Variants in SHROOM4 observed in about 807,000 individuals in gnomAD.
SHROOM4 encodes the protein protein Shroom4.
SHROOM4 carries 17 observed loss-of-function variants against 80.3 expected under a neutral mutation model. That is an observed-to-expected ratio of 0.21 (90% confidence interval 0.14 to 0.32). SHROOM4 has a LOEUF of 0.32. Ranked by LOEUF, SHROOM4 falls within the 10% of genes least tolerant of loss-of-function variation. The pLI, the probability that SHROOM4 is intolerant of heterozygous loss-of-function variation, is 1.00. For missense variants in SHROOM4, 993 were observed against 1,140.3 expected, an observed-to-expected ratio of 0.87 and a Z score of 1.86; for synonymous variants, 400 against 437.5, an observed-to-expected ratio of 0.91 and a Z score of 1.07.
intron 2 of SHROOM4, among the ~76,000 whole-genome samples, chrX:50,672,857 A>C (rs1424481830): frequency 8.9e-6 from 1 of 112,160 alleles, no homozygotes; most frequent in Non-Finnish European, 1.9e-5. Flanking sequence ...ATCAGAAATC[A>C]ATGGAGCCAG....
intron 1 of SHROOM4, among the ~76,000 whole-genome samples, chrX:50,805,340 T>G (rs1376674529): frequency 4.5e-5 from 5 of 111,571 alleles, no homozygotes; most frequent in Admixed American, 1.9e-4. Flanking sequence ...AAAACTTCCC[T>G]GCCAGAGGCT....
chrX:50,777,563 C>G (rs1557270243), intron 1 of SHROOM4, among the ~76,000 whole-genome samples: 7 of 111,291 alleles, frequency 6.3e-5, no homozygotes, highest in Non-Finnish European at 1.3e-4. Flanking sequence ...TCAAAACAAT[C>G]ATAATGACAA....
chrX:50,783,468 A>G (rs940677257), intron 1 of SHROOM4, among the ~76,000 whole-genome samples: 2 of 112,390 alleles, frequency 1.8e-5, no homozygotes, highest in African/African-American at 6.5e-5. Flanking sequence ...GATTAGAAAA[A>G]TCAGTACTGC....
At chrX:50,790,824 C>T (rs143439529) in intron 1 of SHROOM4, among the ~76,000 whole-genome samples, 22 of 111,475 alleles carry the variant, frequency 2.0e-4, no homozygotes, top group African/African-American at 6.9e-4. Context: ...GAAAACCCCA[C>T]AGCTAATGTC....
At chrX:50,619,848 A>C (rs905310640) in intron 5 of SHROOM4, among the ~76,000 whole-genome samples, 5 of 110,837 alleles carry the variant, frequency 4.5e-5, no homozygotes, top group African/African-American at 1.6e-4. Flanking sequence ...TCTGAGGCAG[A>C]TAATAAAATG....
At chrX:50,786,751 G>A (rs1935748448) in intron 1 of SHROOM4, among the ~76,000 whole-genome samples, 1 of 111,384 alleles carries the variant, frequency 9.0e-6, no homozygotes, top group South Asian at 3.8e-4. Context: ...GGGACATGAA[G>A]AAACAGGGAA....
chrX:50,639,771 G>C (rs1378133318), intron 2 of SHROOM4, among the ~76,000 whole-genome samples: 2 of 111,548 alleles, frequency 1.8e-5, no homozygotes, highest in Non-Finnish European at 3.8e-5. Flanking sequence ...AGAGGGCTAA[G>C]GCCTAAAAAG....
intron 1 of SHROOM4, among the ~76,000 whole-genome samples, chrX:50,708,761 C>A (rs907398897): frequency 1.2e-4 from 13 of 111,526 alleles, no homozygotes; most frequent in African/African-American, 4.2e-4. Context: ...GATAAAGGAG[C>A]TCCAAGGATG....
At chrX:50,760,561 C>G (rs1437623673) in intron 1 of SHROOM4, among the ~76,000 whole-genome samples, 1 of 110,676 alleles carries the variant, frequency 9.0e-6, no homozygotes, top group African/African-American at 3.3e-5. Context: ...CGGTCTTGAA[C>G]TCCTGGCCTC....
chrX:50,798,095 A>G (rs146283814), intron 1 of SHROOM4, among the ~76,000 whole-genome samples: 1,448 of 111,028 alleles, frequency 0.013, 31 homozygotes, highest in African/African-American at 0.046. Context: ...TTATTGACAG[A>G]GAGGGCAGTA....
At position 50,723,510 on chromosome X, in the gene SHROOM4, G is replaced by T. The variant is rs782492257; in HGVS notation, c.118-27573C>A. Among the ~76,000 whole-genome samples, 13 of 110,033 alleles carry T rather than the reference G, an allele frequency of 1.2e-4. No homozygotes were observed. The South Asian group carries it at 2.8e-3, about 24-fold the overall frequency. On this transcript the variant is annotated intron_variant, in intron 1 of 8. Transcript: ENST00000376020. ...TGGGCTTCCTATGAGTGTACTGATG[G>T]CTGCCTTTACCCATTAAATGCTTTT...
rs1557271954 is a variant in SHROOM4, at chrX:50,795,094, TATATATG to T, written c.117+18801_117+18807del. Among the ~76,000 whole-genome samples the T allele has an allele frequency of 7.8e-4, 45 of 58,030 alleles. 5 individuals are homozygous for T. The highest frequency in any genetic ancestry group is 4.2e-3 in the African/African-American group (45 of 10,645). 50.4% of individuals were successfully genotyped at this position (58,030 alleles called of 115,157 possible). A position where few individuals can be genotyped will look rare whatever the true frequency, so the allele number is the denominator to read the frequency against. On this transcript the variant is annotated intron_variant, in intron 1 of 8. Coordinates refer to ENST00000376020, the MANE Select transcript of SHROOM4 (RefSeq NM_020717.5). Reference sequence around the variant, plus strand: ...ATATATGATATATATATATGATATATATATATGATATATATATATGATATATATATAT... The same window carrying T: ...ATATATGATATATATATATGATATATATATATATATATGATATATATATAT...
chrX:50,654,262 T>C (rs1557259257), intron 2 of SHROOM4, among the ~76,000 whole-genome samples: 1 of 111,545 alleles, frequency 9.0e-6, no homozygotes, highest in Admixed American at 9.5e-5. Flanking sequence ...GCCATATATG[T>C]ACTTCCCTGG....
At chrX:50,688,504 A>G (rs1276458047) in intron 2 of SHROOM4, among the ~76,000 whole-genome samples, 1 of 111,722 alleles carries the variant, frequency 9.0e-6, no homozygotes, top group Non-Finnish European at 1.9e-5. Context: ...GTTCTCACTC[A>G]TATGTGGAAG....
chrX:50,680,081 C>G (rs1227995401), intron 2 of SHROOM4, among the ~76,000 whole-genome samples: 1 of 111,787 alleles, frequency 8.9e-6, no homozygotes, highest in African/African-American at 3.2e-5. Flanking sequence ...TTTCTTGAAT[C>G]AGTTTCTTCA....
chrX:50,657,188 T>C (rs1198190227), intron 2 of SHROOM4, among the ~76,000 whole-genome samples: 1 of 111,761 alleles, frequency 8.9e-6, no homozygotes, highest in Admixed American at 9.5e-5. Flanking sequence ...TAAGATCATG[T>C]CACCTACAAA....
Position 50,710,012 on chromosome X carries a change from C to T in SHROOM4, c.118-14075G>A, listed in dbSNP as rs782415302. ...TCCTGGTGATGCTCACATTGCCAAC[C>T]AGCAACAATAATATTAACCAAAAGA... is the stretch of plus-strand genomic sequence containing the variant. On this transcript the variant is annotated intron_variant, in intron 1 of 8. Transcript: ENST00000376020. Among the ~76,000 whole-genome samples the T allele has an allele frequency of 1.2e-4, 14 of 112,003 alleles. No individual in the cohort carries two copies. In the South Asian group the frequency reaches 5.3e-3, roughly 42 times the overall value.
chrX:50,688,605 T>C (rs1167974937), intron 2 of SHROOM4, among the ~76,000 whole-genome samples: 1 of 110,931 alleles, frequency 9.0e-6, no homozygotes, highest in Non-Finnish European at 1.9e-5. Flanking sequence ...TACAGAGATT[T>C]GTTAAATAAT....
At chrX:50,678,548 G>T (rs1188314055) in intron 2 of SHROOM4, among the ~76,000 whole-genome samples, 1 of 111,101 alleles carries the variant, frequency 9.0e-6, no homozygotes, top group Admixed American at 9.6e-5. Context: ...AGTGGGGCAG[G>T]TGTCCAGAGA....
Sources: gnomAD v4.1 joint callset for allele counts (sites outside exome capture counted in the v4.1 genomes callset) on GRCh38, gnomAD v4.1.1 for gene constraint, MANE v1.5 for transcripts, NCBI Gene and HGNC (gene_info 2026-07-23, HGNC 2026-07-21) for gene names.